The following CTNNA3 variants were observed in gnomAD, a reference collection of about 807,000 sequenced individuals.
CTNNA3 encodes catenin alpha 3.
In CTNNA3, 76 loss-of-function variants were observed where a neutral mutation model predicts 95.7. The ratio of observed to expected loss-of-function variants is 0.79; its 90% CI spans 0.66 to 0.96. CTNNA3 has a LOEUF of 0.96. Ranked by LOEUF, CTNNA3 falls within the 40% of genes least tolerant of loss-of-function variation. CTNNA3 has a pLI of 0.00. For synonymous variants in CTNNA3, 431 were observed against 374.4 expected, an observed-to-expected ratio of 1.15 and a Z score of -1.74; for missense variants, 1,191 against 1,089.8, an observed-to-expected ratio of 1.09 and a Z score of -1.31.
At position 66,379,443 on chromosome 10, in the gene CTNNA3, T is replaced by A. The variant is rs903000291; in HGVS notation, c.1532-91A>T. 93 of 1,087,722 alleles carry A rather than the reference T, an allele frequency of 8.5e-5. No individual in the cohort carries two copies. The African/African-American group carries it at 1.4e-3, about 16-fold the overall frequency. The allele number at this position is 1,087,722 out of a possible 1,614,324, so 67.4% of individuals were successfully genotyped here. ...TATTATAATTATGTTAACTTCTGAC[T>A]TCAGATAGAGTGCACATTGGAAATG... On this transcript the variant is annotated intron_variant, in intron 11 of 17. Transcript: ENST00000433211.
intron 13 of CTNNA3, among the ~76,000 whole-genome samples, chr10:66,138,856 AAAATGAAATG>A (rs570966313): frequency 6.6e-6 from 1 of 152,184 alleles, no homozygotes; most frequent in African/African-American, 2.4e-5. Flanking sequence ...AGACTGTTTC[AAAATGAAATG>A]AAATGAAATA....
At chr10:66,330,617 C>G (rs1055518430) in intron 12 of CTNNA3, among the ~76,000 whole-genome samples, 60 of 152,062 alleles carry the variant, frequency 3.9e-4, no homozygotes, top group African/African-American at 1.4e-3. Context: ...AATGGTATTT[C>G]TAGTTCTAGA....
At chr10:66,159,775 G>A (rs1229907691) in intron 13 of CTNNA3, among the ~76,000 whole-genome samples, 1 of 151,702 alleles carries the variant, frequency 6.6e-6, no homozygotes, top group Non-Finnish European at 1.5e-5. Context: ...TAGAATGTCT[G>A]GTAGAATTCT....
chr10:67,431,569 C>T (rs769806715), intron 5 of CTNNA3, among the ~76,000 whole-genome samples: 1 of 151,816 alleles, frequency 6.6e-6, no homozygotes, highest in African/African-American at 2.4e-5. Context: ...TATGTAGATA[C>T]GGGTACAAAA....
intron 7 of CTNNA3, among the ~76,000 whole-genome samples, chr10:66,972,747 G>A (rs1849797185): frequency 8.0e-6 from 1 of 125,582 alleles, no homozygotes; most frequent in Admixed American, 9.8e-5. Context: ...GTCTGGCTCT[G>A]TCACCCAGGC....
chr10:66,922,727 T>C (rs1180880334), intron 7 of CTNNA3, among the ~76,000 whole-genome samples: 2 of 152,222 alleles, frequency 1.3e-5, no homozygotes, highest in Non-Finnish European at 2.9e-5. Flanking sequence ...ATGAACATTT[T>C]TCCTTGTCAA....
chr10:67,105,462 A>C (rs1476751409), intron 7 of CTNNA3, among the ~76,000 whole-genome samples: 1 of 152,174 alleles, frequency 6.6e-6, no homozygotes, highest in Non-Finnish European at 1.5e-5. Flanking sequence ...AATTACATTA[A>C]TTCACATACA....
intron 2 of CTNNA3, among the ~76,000 whole-genome samples, chr10:67,641,952 A>G (rs1307045285): frequency 1.3e-5 from 2 of 152,218 alleles, no homozygotes; most frequent in African/African-American, 4.8e-5. Flanking sequence ...GCACATGTAT[A>G]CATATGTAAC....
intron 1 of CTNNA3, among the ~76,000 whole-genome samples, chr10:67,742,217 T>A (rs1253685258): frequency 2.0e-5 from 3 of 151,190 alleles, no homozygotes; most frequent in East Asian, 1.9e-4. Context: ...AGCACCACAC[T>A]GCACTTATTC....
In CTNNA3 at chr10:67,055,528, C is replaced by T. The variant is rs529111609; in HGVS notation, c.1047+124789G>A. On this transcript the variant is annotated intron_variant, in intron 7 of 17. Transcript: ENST00000433211. ...GAAAACTGCAGCTCTGGAAAGGAGACAATGCCATTTGCAGGCTAGAAAGTT... is the reference window on the plus strand; with the variant it reads ...GAAAACTGCAGCTCTGGAAAGGAGATAATGCCATTTGCAGGCTAGAAAGTT... Among the ~76,000 whole-genome samples the T allele has an allele frequency of 2.0e-5, 3 of 152,208 alleles. No individual in the cohort carries two copies. The South Asian group carries it at 6.2e-4, about 32-fold the overall frequency.
chr10:67,216,212 T>G (rs1026856601), intron 6 of CTNNA3, among the ~76,000 whole-genome samples: 1 of 152,136 alleles, frequency 6.6e-6, no homozygotes, highest in African/African-American at 2.4e-5. Flanking sequence ...TTACCCTTAG[T>G]AAAAGACAGA....
At chr10:66,053,750 C>A (rs772387823) in intron 15 of CTNNA3, among the ~76,000 whole-genome samples, 3 of 151,738 alleles carry the variant, frequency 2.0e-5, no homozygotes, top group Admixed American at 6.6e-5. Flanking sequence ...TAATATTTAT[C>A]TTTTTTGTGT....
chr10:67,420,534 A>G (rs1158745678), intron 5 of CTNNA3, among the ~76,000 whole-genome samples: 5 of 152,186 alleles, frequency 3.3e-5, no homozygotes, highest in Admixed American at 2.6e-4. Context: ...ATTAGTACCT[A>G]CATCAGAGGG....
At chr10:66,311,111 C>G (rs962519147) in intron 12 of CTNNA3, among the ~76,000 whole-genome samples, 2 of 152,112 alleles carry the variant, frequency 1.3e-5, no homozygotes, top group African/African-American at 4.8e-5. Context: ...AACTATATGC[C>G]CACCTTATGT....
chr10:66,118,225 G>A (rs527940785), intron 13 of CTNNA3: 1 of 152,220 alleles, frequency 6.6e-6, no homozygotes, highest in South Asian at 2.1e-4. Context: ...CTTTCCTTAT[G>A]TCTTTGCTTT....
intron 6 of CTNNA3, 57 bp from the exon 7 acceptor site, chr10:67,180,577 A>C: frequency 7.1e-7 from 1 of 1,399,916 alleles, no homozygotes; most frequent in Non-Finnish European, 1.0e-6. Context: ...CTTTTATGAA[A>C]AACAAATGTT....
intron 12 of CTNNA3, among the ~76,000 whole-genome samples, chr10:66,284,256 C>G (rs554637382): frequency 2.6e-5 from 4 of 152,028 alleles, no homozygotes; most frequent in African/African-American, 9.6e-5. Flanking sequence ...CATCTTGGCA[C>G]TGTGCTAAGC....
intron 13 of CTNNA3, among the ~76,000 whole-genome samples, chr10:66,130,602 T>C (rs2083042772): frequency 6.6e-6 from 1 of 151,922 alleles, no homozygotes; most frequent in African/African-American, 2.4e-5. Flanking sequence ...CCCAGCACTT[T>C]AGGAAGCTAA....
intron 6 of CTNNA3, among the ~76,000 whole-genome samples, chr10:67,219,091 C>A (rs553909665): frequency 6.6e-6 from 1 of 152,314 alleles, no homozygotes; most frequent in South Asian, 2.1e-4. Context: ...AGCCTTTGCT[C>A]TAGATCTTCA....
Sources: allele counts gnomAD v4.1 joint callset (sites outside exome capture counted in the v4.1 genomes callset), GRCh38; gene constraint gnomAD v4.1.1; transcripts MANE v1.5; gene names NCBI Gene and HGNC (gene_info 2026-07-23, HGNC 2026-07-21).